FBXO42: variants seen among roughly 807,000 people sequenced by gnomAD.
FBXO42 encodes the protein F-box protein 42.
FBXO42 carries 12 observed loss-of-function variants against 71.7 expected under a neutral mutation model. The ratio of observed to expected loss-of-function variants is 0.17; its 90% CI spans 0.11 to 0.27. The LOEUF (loss-of-function observed/expected upper bound fraction) is 0.27, where lower values mean the gene tolerates loss of function less well. FBXO42 is among the 10% of genes least tolerant of loss of function. FBXO42 has a pLI of 1.00. For missense variants in FBXO42, 707 were observed against 911.9 expected (o/e 0.78, Z 2.89); for synonymous variants, 325 against 327.5 (o/e 0.99, Z 0.08).
chr1:16,253,081 A>C lies in FBXO42; in HGVS notation c.921+15T>G. The C allele has an allele frequency of 1.9e-6, 3 of 1,612,150 alleles. No individual in the cohort carries two copies. The highest frequency in any genetic ancestry group is 2.5e-6 in the Non-Finnish European group (3 of 1,179,032). On this transcript the variant is annotated intron_variant, in intron 8 of 9. Coordinates refer to ENST00000375592, the MANE Select transcript of FBXO42 (RefSeq NM_018994.3). ...AGTAGCATGCACATGGGAATGCCAC[A>C]GAAGCAATACTCACAGCATTGGGAC... is the stretch of plus-strand genomic sequence containing the variant.
At position 16,250,181 on chromosome 1, in the gene FBXO42, AAC is replaced by A. The variant is rs1237940264; in HGVS notation, c.*487_*488del. 1 of 152,222 alleles carries A rather than the reference AAC, an allele frequency of 6.6e-6. No homozygotes were observed. The highest frequency in any genetic ancestry group is 2.4e-5 in the African/African-American group (1 of 41,448). 9.4% of individuals were successfully genotyped at this position (152,222 alleles called of 1,614,324 possible). ...TCTGTGGTTTTAAGAGAAGGGGAAAAACAGTTACTTTTACCCCGACAGCACCT... is the reference window on the plus strand; with the variant it reads ...TCTGTGGTTTTAAGAGAAGGGGAAAAAGTTACTTTTACCCCGACAGCACCT... On this transcript the variant is annotated 3_prime_UTR_variant, in exon 10 of 10. Coordinates refer to ENST00000375592, the MANE Select transcript of FBXO42 (RefSeq NM_018994.3). The surrounding 1 kb of genome is among the most constrained non-coding windows in gnomAD (Gnocchi z 4.7).
intron 2 of FBXO42, among the ~76,000 whole-genome samples, chr1:16,307,336 G>A (rs1489007034): frequency 6.6e-6 from 1 of 151,968 alleles, no homozygotes; most frequent in African/African-American, 2.4e-5. Flanking sequence ...CCATTTCTCT[G>A]CAAAAAAATT....
chr1:16,274,588 GTTTTTTT>G (rs533547281), intron 4 of FBXO42, among the ~76,000 whole-genome samples: 1 of 53,504 alleles, frequency 1.9e-5, no homozygotes, highest in Non-Finnish European at 3.2e-5. Context: ...TTATGCCCCC[GTTTTTTT>G]TTTTTTTTTT....
rs1315377367 is a variant in FBXO42, at chr1:16,249,030, C to G, written c.*1640G>C. 6.6e-6 allele frequency: 1 copy of G among 152,254 alleles called. No individual in the cohort carries two copies. The highest frequency in any genetic ancestry group is 1.5e-5 in the Non-Finnish European group (1 of 68,048). 9.4% of individuals were successfully genotyped at this position (152,254 alleles called of 1,614,324 possible). On this transcript the variant is annotated 3_prime_UTR_variant, in exon 10 of 10. Transcript: ENST00000375592. ...AGGACCCAGGGCCAGCTGCAGCAGG[C>G]TTTGTGCCTGAGAAACGCTAATAAT...
At chr1:16,347,223 A>G (rs2082660914) in intron 1 of FBXO42, among the ~76,000 whole-genome samples, 1 of 152,130 alleles carries the variant, frequency 6.6e-6, no homozygotes, top group Non-Finnish European at 1.5e-5. Flanking sequence ...AAACTCAGAA[A>G]AAAACTTTAC....
intron 1 of FBXO42, among the ~76,000 whole-genome samples, chr1:16,340,059 C>A (rs1200546407): frequency 1.3e-5 from 2 of 152,078 alleles, no homozygotes; most frequent in Non-Finnish European, 2.9e-5. Context: ...CGCCTATAGT[C>A]CCAGCTCTTG....
Position 16,272,312 on chromosome 1 carries a change from T to G in FBXO42, c.503-15553A>C, listed in dbSNP as rs1180624511. ...TTCGCTCTTGTTACCCAGGCTGGAG[T>G]GCAATGGCACGATCTTGGCTCACCG... On this transcript the variant is annotated intron_variant, in intron 4 of 9. Coordinates refer to ENST00000375592, the MANE Select transcript of FBXO42 (RefSeq NM_018994.3). Among the ~76,000 whole-genome samples, 4 of 150,454 alleles carry G rather than the reference T, an allele frequency of 2.7e-5. No homozygotes were observed. The South Asian group carries it at 6.4e-4, about 24-fold the overall frequency.
rs1321076193 is a variant in FBXO42, at chr1:16,295,764, T to C, written c.368-847A>G. 3.9e-5 allele frequency among the ~76,000 whole-genome samples: 6 copies of C among 152,220 alleles called. 1 individual carries two copies. The highest frequency in any genetic ancestry group is 1.4e-4 in the African/African-American group (6 of 41,526). On this transcript the variant is annotated intron_variant, in intron 3 of 9. Coordinates refer to ENST00000375592, the MANE Select transcript of FBXO42 (RefSeq NM_018994.3). ...TACTATGAAGTAACCACACATAAAGTCCAATGTGATTGAAGAAATACAGTT... is the reference window on the plus strand; with the variant it reads ...TACTATGAAGTAACCACACATAAAGCCCAATGTGATTGAAGAAATACAGTT...
At chr1:16,284,883 G>A (rs1214676768) in intron 4 of FBXO42, among the ~76,000 whole-genome samples, 4 of 152,136 alleles carry the variant, frequency 2.6e-5, no homozygotes, top group African/African-American at 4.8e-5. Flanking sequence ...CGGGAGAATC[G>A]CTTGAACCCG....
chr1:16,304,398 C>T (rs1248130223), intron 3 of FBXO42, among the ~76,000 whole-genome samples: 6 of 152,092 alleles, frequency 3.9e-5, no homozygotes, highest in East Asian at 1.9e-4. Context: ...GGATTACAAG[C>T]GTGAGCCACT....
intron 4 of FBXO42, among the ~76,000 whole-genome samples, chr1:16,278,977 T>C (rs1341417545): frequency 6.6e-6 from 1 of 152,066 alleles, no homozygotes; most frequent in Non-Finnish European, 1.5e-5. Context: ...GGTTTCTCCA[T>C]GTTGGTCAGG....
intron 1 of FBXO42, 35 bp from the exon 2 acceptor site, chr1:16,315,470 C>A (rs1047274801): frequency 6.3e-7 from 1 of 1,580,342 alleles, no homozygotes. Flanking sequence ...CAGTATTCCA[C>A]TGAAAGCAGC....
Position 16,333,773 on chromosome 1 carries a change from C to A in FBXO42, c.-17-18338G>T, listed in dbSNP as rs2100614594. The stretch of plus-strand genomic sequence containing the variant: ...TCCAGAAATGTGAAAATTGCCAATA[C>A]CAATTGTCTTTTTATGTGTGTTGAA... On this transcript the variant is annotated intron_variant, in intron 1 of 9. Transcript: ENST00000375592. Among the ~76,000 whole-genome samples the A allele has an allele frequency of 2.0e-5, 3 of 152,154 alleles. No individual in the cohort carries two copies. The South Asian group carries it at 6.2e-4, about 32-fold the overall frequency.
chr1:16,288,368 T>C (rs2082043060), intron 4 of FBXO42, among the ~76,000 whole-genome samples: 1 of 151,670 alleles, frequency 6.6e-6, no homozygotes, highest in Non-Finnish European at 1.5e-5. Flanking sequence ...AGGTGGAGGT[T>C]GCAATGAGCC....
At chr1:16,253,984 C>T (rs1569807045) in intron 6 of FBXO42, among the ~76,000 whole-genome samples, 1 of 152,320 alleles carries the variant, frequency 6.6e-6, no homozygotes, top group Admixed American at 6.5e-5. Flanking sequence ...CTAACTCTGA[C>T]TTTATCTCTA....
chr1:16,339,983 C>T (rs2082586752), intron 1 of FBXO42, among the ~76,000 whole-genome samples: 1 of 151,952 alleles, frequency 6.6e-6, no homozygotes, highest in East Asian at 1.9e-4. Context: ...AATTACCATC[C>T]TGGCTAACAC....
intron 3 of FBXO42, among the ~76,000 whole-genome samples, chr1:16,304,550 C>A (rs957665803): frequency 2.0e-5 from 3 of 152,162 alleles, no homozygotes; most frequent in Non-Finnish European, 4.4e-5. Context: ...TCTGACTACT[C>A]CCTAAGCAAA....
At chr1:16,339,503 G>A (rs1407993049) in intron 1 of FBXO42, among the ~76,000 whole-genome samples, 1 of 151,916 alleles carries the variant, frequency 6.6e-6, no homozygotes, top group African/African-American at 2.4e-5. Flanking sequence ...AGTAGAGACA[G>A]AGTTTCACCA....
intron 3 of FBXO42, among the ~76,000 whole-genome samples, chr1:16,302,147 G>A (rs562873565): frequency 1.3e-5 from 2 of 152,278 alleles, no homozygotes; most frequent in South Asian, 2.1e-4. Context: ...GAAGAAAAGA[G>A]CTTAATATCT....
Sources: allele counts gnomAD v4.1 joint callset (sites outside exome capture counted in the v4.1 genomes callset), GRCh38; gene constraint gnomAD v4.1.1; non-coding constraint Gnocchi (gnomAD v3.1); transcripts MANE v1.5; gene names NCBI Gene and HGNC (gene_info 2026-07-23, HGNC 2026-07-21).